Variants in NRG1 observed in about 807,000 individuals in gnomAD.
NRG1 encodes neuregulin 1.
In NRG1, 18 loss-of-function variants were observed where a neutral mutation model predicts 63.8. The observed-to-expected ratio is 0.28, with a 90% confidence interval of 0.19 to 0.42. The LOEUF (loss-of-function observed/expected upper bound fraction) is 0.42, where lower values mean the gene tolerates loss of function less well. NRG1 is among the 10% of genes least tolerant of loss of function. The pLI is 1.00. For missense variants in NRG1, 762 were observed against 814.7 expected (o/e 0.94, Z 0.79); for synonymous variants, 302 against 301.3 (o/e 1.00, Z -0.02).
intron 5 of NRG1, among the ~76,000 whole-genome samples, chr8:32,703,258 A>G (rs1295439781): frequency 1.3e-5 from 2 of 152,130 alleles, no homozygotes; most frequent in African/African-American, 2.4e-5. Context: ...AATACCAACA[A>G]CATAAGTCAG....
At chr8:32,359,935 T>G (rs992307128) in intron 1 of NRG1, among the ~76,000 whole-genome samples, 2 of 152,064 alleles carry the variant, frequency 1.3e-5, no homozygotes, top group Non-Finnish European at 2.9e-5. Flanking sequence ...GGCATATGAG[T>G]GTTGATGGGA....
intron 1 of NRG1, among the ~76,000 whole-genome samples, chr8:32,251,596 TG>T (rs1424664680): frequency 6.6e-6 from 1 of 152,210 alleles, no homozygotes; most frequent in Non-Finnish European, 1.5e-5. Context: ...CTGGGTCAAA[TG>T]GTATTTCTGG....
At chr8:32,022,498 G>A (rs1438118486) in intron 1 of NRG1, among the ~76,000 whole-genome samples, 1 of 152,086 alleles carries the variant, frequency 6.6e-6, no homozygotes, top group African/African-American at 2.4e-5. Context: ...GTATCAGAGA[G>A]CTCTATTAAG....
chr8:32,348,270 TG>T (rs1805160981), intron 1 of NRG1, among the ~76,000 whole-genome samples: 1 of 152,212 alleles, frequency 6.6e-6, no homozygotes, highest in African/African-American at 2.4e-5. Flanking sequence ...GTTTTGTTTT[TG>T]TTTTATCTCA....
At chr8:32,299,025 CAAA>C (rs34799826) in intron 1 of NRG1, among the ~76,000 whole-genome samples, 5 of 59,570 alleles carry the variant, frequency 8.4e-5, no homozygotes, top group African/African-American at 3.0e-4. Flanking sequence ...GACTCTATCT[CAAA>C]AAAAAAAAAA....
intron 5 of NRG1, among the ~76,000 whole-genome samples, chr8:32,656,245 A>G (rs562667257): frequency 6.7e-4 from 102 of 152,246 alleles, no homozygotes; most frequent in African/African-American, 2.3e-3. Context: ...TTGGACAAAC[A>G]GGTTGTTTAT....
chr8:31,861,579 C>T (rs1278061365), intron 1 of NRG1, among the ~76,000 whole-genome samples: 1 of 152,138 alleles, frequency 6.6e-6, no homozygotes, highest in Non-Finnish European at 1.5e-5. Flanking sequence ...ATCACAACTG[C>T]TGCATTGCAG....
chr8:31,671,923 A>T lies in NRG1; in HGVS notation c.37+32492A>T, dbSNP rs538355689. ...GGTCTCTCACAATCTATCAGCAATA[A>T]AAAAAGATAGCAATATAGAGATGAA... On this transcript the variant is annotated intron_variant, in intron 1 of 10. Transcript: ENST00000519301. Among the ~76,000 whole-genome samples, 120 of 152,250 alleles carry T rather than the reference A, an allele frequency of 7.9e-4. 2 individuals carry two copies. Among genetic ancestry groups the T allele is most frequent in the African/African-American group, 2.6e-3 (110 of 41,572 alleles).
intron 1 of NRG1, among the ~76,000 whole-genome samples, chr8:31,730,092 A>G (rs1397994007): frequency 6.6e-6 from 1 of 152,166 alleles, no homozygotes; most frequent in Non-Finnish European, 1.5e-5. Flanking sequence ...TTTACCAGGA[A>G]GAAAAAGCAG....
At chr8:32,053,953 A>T (rs1328504088) in intron 1 of NRG1, among the ~76,000 whole-genome samples, 1 of 152,224 alleles carries the variant, frequency 6.6e-6, no homozygotes, top group Non-Finnish European at 1.5e-5. Context: ...TTTCCTGATT[A>T]CAGAAGTAGT....
chr8:32,221,133 G>T (rs1049956732), intron 1 of NRG1: 11 of 146,582 alleles, frequency 7.5e-5, no homozygotes, highest in African/African-American at 2.8e-4. Context: ...AAAAAATAAA[G>T]GTAATGAATA....
intron 5 of NRG1, among the ~76,000 whole-genome samples, chr8:32,713,829 A>G (rs1818462428): frequency 6.7e-6 from 1 of 148,578 alleles, no homozygotes; most frequent in Non-Finnish European, 1.5e-5. Context: ...ACATATATAT[A>G]TTTCTTTTTT....
At chr8:31,817,265 C>T (rs1823546592) in intron 1 of NRG1, among the ~76,000 whole-genome samples, 1 of 152,192 alleles carries the variant, frequency 6.6e-6, no homozygotes, top group African/African-American at 2.4e-5. Context: ...TGCTTTTGTT[C>T]CTCTCTGTCT....
intron 1 of NRG1, among the ~76,000 whole-genome samples, chr8:32,239,075 C>T (rs1293495281): frequency 6.6e-6 from 1 of 152,150 alleles, no homozygotes; most frequent in Non-Finnish European, 1.5e-5. Flanking sequence ...CTTAAACTCT[C>T]TATTCCTTGG....
intron 1 of NRG1, among the ~76,000 whole-genome samples, chr8:31,863,202 G>A (rs955739985): frequency 3.5e-4 from 53 of 152,148 alleles, no homozygotes; most frequent in African/African-American, 1.3e-3. Flanking sequence ...CTAGCAAACT[G>A]AACAAGCTAT....
intron 1 of NRG1, among the ~76,000 whole-genome samples, chr8:31,730,438 C>T (rs1189255006): frequency 6.6e-6 from 1 of 152,030 alleles, no homozygotes; most frequent in Non-Finnish European, 1.5e-5. Flanking sequence ...CATGTATATA[C>T]AGATAATCAT....
intron 1 of NRG1, among the ~76,000 whole-genome samples, chr8:32,145,452 C>A (rs976553097): frequency 6.6e-6 from 1 of 152,010 alleles, no homozygotes; most frequent in Admixed American, 6.6e-5. Context: ...GTTTTTGTTC[C>A]CCAAGTCCAA....
intron 9 of NRG1, 135 bp from the exon 10 acceptor site, chr8:32,759,170 TA>T (rs2129057046): frequency 2.0e-6 from 2 of 1,015,532 alleles, no homozygotes; most frequent in East Asian, 5.3e-5. Flanking sequence ...AAATGGAATT[TA>T]TTACAAATCA....
chr8:32,512,944 T>C (rs1182064102), intron 1 of NRG1, among the ~76,000 whole-genome samples: 2 of 152,184 alleles, frequency 1.3e-5, no homozygotes, highest in Non-Finnish European at 2.9e-5. Context: ...TAGTGAGATA[T>C]CAAACTGGTT....
Sources: allele counts gnomAD v4.1 joint callset (sites outside exome capture counted in the v4.1 genomes callset), GRCh38; gene constraint gnomAD v4.1.1; transcripts MANE v1.5; gene names NCBI Gene and HGNC (gene_info 2026-07-23, HGNC 2026-07-21).